Variants in CNNM2 observed in about 807,000 individuals in gnomAD.
CNNM2 encodes cyclin and CBS domain divalent metal cation transport mediator 2, also known as metal transporter CNNM2.
CNNM2 carries 12 observed loss-of-function variants against 66.9 expected under a neutral mutation model. That is an observed-to-expected ratio of 0.18 (90% CI 0.11 to 0.29). The LOEUF is 0.29. Ranked by LOEUF, CNNM2 falls within the 10% of genes least tolerant of loss-of-function variation. The probability of loss-of-function intolerance (pLI) is 1.00; values close to 1 mark genes in which losing one functional copy is unlikely to be tolerated. For synonymous variants in CNNM2, 557 were observed against 501.8 expected (o/e 1.11, Z -1.47); for missense variants, 705 against 1,167.7 (o/e 0.60, Z 5.77).
In CNNM2 at chr10:103,085,937, G is replaced by A. The variant is rs1343118751; in HGVS notation, c.*8757G>A. Reference sequence around the variant, plus strand: ...AAAGCTTTTTACTCATTCTATAAATGAACATGCTGCCTGTTTAAAGGACTT... The same window carrying A: ...AAAGCTTTTTACTCATTCTATAAATAAACATGCTGCCTGTTTAAAGGACTT... On this transcript the variant is annotated 3_prime_UTR_variant, in exon 8 of 8. Transcript: ENST00000369878. The A allele has an allele frequency of 6.6e-6, 1 of 152,232 alleles. No homozygotes were observed. The highest frequency in any genetic ancestry group is 1.5e-5 in the Non-Finnish European group (1 of 68,034). The allele number at this position is 152,232 out of a possible 1,614,324, so 9.4% of individuals were successfully genotyped here. A position where few individuals can be genotyped will look rare whatever the true frequency, so the allele number is the denominator to read the frequency against.
chr10:102,980,705 G>A (rs1189099142), intron 1 of CNNM2, among the ~76,000 whole-genome samples: 1 of 152,052 alleles, frequency 6.6e-6, no homozygotes, highest in East Asian at 1.9e-4. Context: ...TTTAAGATGT[G>A]CTTTAGATGT....
At chr10:102,958,222 C>T (rs1420317310) in intron 1 of CNNM2, among the ~76,000 whole-genome samples, 1 of 152,158 alleles carries the variant, frequency 6.6e-6, no homozygotes, top group Non-Finnish European at 1.5e-5. Context: ...AGGTGTGAGC[C>T]ACTGCGCCCG....
At chr10:102,992,308 T>C (rs2063913706) in intron 1 of CNNM2, among the ~76,000 whole-genome samples, 1 of 135,930 alleles carries the variant, frequency 7.4e-6, no homozygotes, top group Non-Finnish European at 1.6e-5. Context: ...CAGTTTGCTC[T>C]CTTGCCCAGG....
At chr10:103,003,724 G>A (rs1321792814) in intron 1 of CNNM2, among the ~76,000 whole-genome samples, 1 of 151,906 alleles carries the variant, frequency 6.6e-6, no homozygotes, top group East Asian at 2.0e-4. Context: ...ATTGAGCCAA[G>A]ATCGCGCCAC....
At chr10:103,042,145 G>A (rs540835418) in intron 1 of CNNM2, among the ~76,000 whole-genome samples, 224 of 152,296 alleles carry the variant, frequency 1.5e-3, no homozygotes, top group African/African-American at 5.1e-3. Flanking sequence ...AGGCCAAAAA[G>A]CAAGTCAGCC....
Position 102,989,354 on chromosome 10 carries a change from C to A in CNNM2, c.1622-60353C>A, listed in dbSNP as rs1035022077. ...TTCTGTCTAAAGACTTAGCTGGGGT[C>A]GTCTTTATTTTATTTTTTTCATTCT... On this transcript the variant is annotated intron_variant, in intron 1 of 7. Transcript: ENST00000369878. Among the ~76,000 whole-genome samples the A allele has an allele frequency of 6.6e-5, 10 of 151,868 alleles. No homozygotes were observed. The East Asian group carries it at 1.9e-3, about 29-fold the overall frequency.
rs139248586 is a variant in CNNM2, at chr10:103,070,608, C to T, written c.2168-1166C>T. ...CTGGTTCCTGAAACATAAATACCAG[C>T]GCAGTTCCTGTTGAACTGTAATGGA... On this transcript the variant is annotated intron_variant, in intron 5 of 7. Coordinates refer to ENST00000369878, the MANE Select transcript of CNNM2 (RefSeq NM_017649.5). Among the ~76,000 whole-genome samples the T allele has an allele frequency of 4.6e-5, 7 of 152,268 alleles. No homozygotes were observed. The East Asian group carries it at 1.2e-3, about 25-fold the overall frequency.
At chr10:103,011,448 A>G (rs1333767990) in intron 1 of CNNM2, among the ~76,000 whole-genome samples, 2 of 129,044 alleles carry the variant, frequency 1.5e-5, no homozygotes, top group East Asian at 2.7e-4. Context: ...GCAAGACTCC[A>G]TCTCAAAAAA....
intron 1 of CNNM2, among the ~76,000 whole-genome samples, chr10:103,014,028 A>G (rs758366951): frequency 1.5e-4 from 23 of 152,180 alleles, no homozygotes; most frequent in Non-Finnish European, 3.4e-4. Context: ...ATTGTAAGAA[A>G]CAGTATTTTC....
intron 1 of CNNM2, among the ~76,000 whole-genome samples, chr10:103,019,226 A>G (rs1029088349): frequency 3.3e-5 from 5 of 150,776 alleles, no homozygotes; most frequent in African/African-American, 1.2e-4. Context: ...CCATTATAGC[A>G]CCACTGCACT....
intron 1 of CNNM2, among the ~76,000 whole-genome samples, chr10:102,971,098 C>G (rs1416225143): frequency 1.3e-5 from 2 of 151,172 alleles, no homozygotes; most frequent in East Asian, 1.9e-4. Flanking sequence ...ACTCAGTAGG[C>G]TGAGGTGGGA....
Position 103,088,002 on chromosome 10 carries a change from A to G in CNNM2, c.*10822A>G, listed in dbSNP as rs905431664. ...TCTTTCTGTGAAAAAATTGAGGCCT[A>G]TGTAACACCATGAATATAATCATGT... On this transcript the variant is annotated 3_prime_UTR_variant, in exon 8 of 8. Transcript: ENST00000369878. 4 of 152,252 alleles carry G rather than the reference A, an allele frequency of 2.6e-5. No homozygotes were observed. The highest frequency in any genetic ancestry group is 7.2e-5 in the African/African-American group (3 of 41,464). The allele number at this position is 152,252 out of a possible 1,614,324, so 9.4% of individuals were successfully genotyped here.
intron 1 of CNNM2, among the ~76,000 whole-genome samples, chr10:103,002,982 C>T (rs925015265): frequency 6.6e-6 from 1 of 152,122 alleles, no homozygotes; most frequent in East Asian, 1.9e-4. Context: ...ATTTATAATA[C>T]TTAAAAAGTG....
intron 6 of CNNM2, 24 bp from the exon 7 acceptor site, chr10:103,076,062 T>C (rs1228081810): frequency 4.4e-6 from 7 of 1,595,666 alleles, no homozygotes; most frequent in African/African-American, 1.3e-5. Context: ...ACTTAAACAG[T>C]TGGATTTTTC....
intron 1 of CNNM2, among the ~76,000 whole-genome samples, chr10:103,013,643 T>G (rs2064387942): frequency 6.6e-6 from 1 of 152,168 alleles, no homozygotes; most frequent in African/African-American, 2.4e-5. Flanking sequence ...TCTAAATCGC[T>G]GTGAATGGAA....
intron 1 of CNNM2, among the ~76,000 whole-genome samples, chr10:102,996,332 CT>C (rs1289433404): frequency 6.6e-6 from 1 of 151,604 alleles, no homozygotes. Flanking sequence ...ATTCTGCCAT[CT>C]TTTTTTTCCA....
Position 102,943,720 on chromosome 10 carries a change from C to T in CNNM2, c.1621+23619C>T, listed in dbSNP as rs1846509718. ...TTATTTTCTGTCTAAAATGGCTAAT[C>T]TCATAACTGCATGTCATATATGTGT... On this transcript the variant is annotated intron_variant, in intron 1 of 7. Coordinates refer to ENST00000369878, the MANE Select transcript of CNNM2 (RefSeq NM_017649.5). Among the ~76,000 whole-genome samples, 3 of 152,152 alleles carry T rather than the reference C, an allele frequency of 2.0e-5. No homozygotes were observed. The South Asian group carries it at 6.2e-4, about 31-fold the overall frequency.
At chr10:103,021,118 T>C (rs535592942) in intron 1 of CNNM2, among the ~76,000 whole-genome samples, 3 of 152,170 alleles carry the variant, frequency 2.0e-5, no homozygotes, top group South Asian at 2.1e-4. Context: ...TTTTAGACAC[T>C]AGACAACAGG....
Position 102,919,232 on chromosome 10 carries a change from T to G in CNNM2, c.752T>G (p.Phe251Cys). Residue 251 changes from phenylalanine to cysteine, a missense_variant, in exon 1 of 8, where the codon TTC becomes TGC. Coordinates refer to ENST00000369878, the MANE Select transcript of CNNM2 (RefSeq NM_017649.5). ...ATGATCGTAGGCGAAGAGAAGAAGT[T>G]CCTGCTGCCCTTCTGGCTGCAGGTG... is the stretch of plus-strand genomic sequence containing the variant. Reference protein sequence around the residue: ...TKMIVGEEKKFLLPFWLQVIF... With the variant: ...TKMIVGEEKKCLLPFWLQVIF... 1 of 1,613,420 alleles carries G rather than the reference T, an allele frequency of 6.2e-7. No homozygotes were observed. The highest frequency in any genetic ancestry group is 8.5e-7 in the Non-Finnish European group (1 of 1,180,020).
Sources: allele counts gnomAD v4.1 joint callset (sites outside exome capture counted in the v4.1 genomes callset), GRCh38; gene constraint gnomAD v4.1.1; transcripts MANE v1.5; gene names NCBI Gene and HGNC (gene_info 2026-07-23, HGNC 2026-07-21).